Variants in GLTP observed in about 807,000 individuals in gnomAD.
GLTP encodes the protein glycolipid transfer protein.
GLTP carries 22 observed loss-of-function variants against 24.0 expected under a neutral mutation model. That is an observed-to-expected ratio of 0.92 (90% CI 0.65 to 1.31). The LOEUF is 1.31. Among genes scored for constraint, GLTP ranks in the 50% most tolerant of loss-of-function variants. The pLI, the probability that GLTP is intolerant of heterozygous loss-of-function variation, is 0.00. For synonymous variants in GLTP, 92 were observed against 115.9 expected (o/e 0.79, Z 1.33); for missense variants, 224 against 276.6 (o/e 0.81, Z 1.35).
At chr12:109,856,523 C>CA (rs879392931) in intron 3 of GLTP, among the ~76,000 whole-genome samples, 1 of 152,156 alleles carries the variant, frequency 6.6e-6, no homozygotes, top group Non-Finnish European at 1.5e-5. Context: ...AGTCACAGGC[C>CA]AGGATGTGAA....
At chr12:109,876,656 GGAAA>G (rs892774040) in intron 1 of GLTP, among the ~76,000 whole-genome samples, 3 of 143,794 alleles carry the variant, frequency 2.1e-5, no homozygotes, top group East Asian at 2.0e-4. Context: ...AGGAAAGGAA[GGAAA>G]GAAAGAGGAA....
chr12:109,867,075 G>A (rs1455503683), intron 1 of GLTP, among the ~76,000 whole-genome samples: 7 of 151,742 alleles, frequency 4.6e-5, no homozygotes, highest in Non-Finnish European at 1.0e-4. Flanking sequence ...ACTGTACCTG[G>A]CCAACTTTGT....
At chr12:109,868,873 G>T (rs1359855300) in intron 1 of GLTP, among the ~76,000 whole-genome samples, 1 of 152,094 alleles carries the variant, frequency 6.6e-6, no homozygotes, top group Non-Finnish European at 1.5e-5. Context: ...TCATGGCTCT[G>T]CTTACTATAA....
intron 4 of GLTP, among the ~76,000 whole-genome samples, chr12:109,853,321 C>T (rs1397477873): frequency 6.6e-6 from 1 of 152,054 alleles, no homozygotes; most frequent in Non-Finnish European, 1.5e-5. Context: ...CAGAGCTGCT[C>T]CCATACTTGA....
At chr12:109,869,557 G>A (rs1565899960) in intron 1 of GLTP, among the ~76,000 whole-genome samples, 1 of 139,056 alleles carries the variant, frequency 7.2e-6, no homozygotes, top group Non-Finnish European at 1.5e-5. Context: ...CCAGGTTCAA[G>A]CGATTCCCCA....
intron 1 of GLTP, among the ~76,000 whole-genome samples, chr12:109,865,147 AG>A (rs1408837339): frequency 2.6e-5 from 4 of 152,202 alleles, no homozygotes; most frequent in Admixed American, 6.5e-5. Context: ...CCAGTTTTGC[AG>A]TTACTCCAAA....
chr12:109,856,491 T>C (rs1483377519), intron 3 of GLTP, among the ~76,000 whole-genome samples: 2 of 152,134 alleles, frequency 1.3e-5, no homozygotes, highest in Non-Finnish European at 2.9e-5. Flanking sequence ...AGGAAAGCAC[T>C]GAGGCTCCCC....
chr12:109,857,456 G>A lies in GLTP; in HGVS notation c.296+70C>T, dbSNP rs571864283. 167 of 1,539,338 alleles carry A rather than the reference G, an allele frequency of 1.1e-4. No individual in the cohort carries two copies. The highest frequency in any genetic ancestry group is 4.5e-4 in the South Asian group (39 of 87,398). ...CCTTCCCAGCCTGAGCTGACACTGC[G>A]GAACAGTGACAGGTTTGCTTTCCCT... On this transcript the variant is annotated intron_variant, in intron 3 of 4. Transcript: ENST00000318348. The surrounding 1 kb of genome is among the most constrained non-coding windows in gnomAD (Gnocchi z 4.3).
chr12:109,875,660 CA>C (rs1205859124), intron 1 of GLTP, among the ~76,000 whole-genome samples: 2 of 152,314 alleles, frequency 1.3e-5, no homozygotes, highest in South Asian at 4.1e-4. Flanking sequence ...AGAAGATAAA[CA>C]AAGGGCTGGC....
Position 109,855,876 on chromosome 12 carries a change from G to T in GLTP, c.297-107C>A. On this transcript the variant is annotated intron_variant, in intron 3 of 4. Transcript: ENST00000318348. This position sits in a 1 kb window ranked among gnomAD's most constrained non-coding sequence, Gnocchi z 4.1. ...CCTACTGTGAGCCAGGAACATGGGC[G>T]CCCCAGAGGGAGTGGTTATTCCCTA... The T allele has an allele frequency of 1.2e-6, 1 of 800,356 alleles. No homozygotes were observed. The highest frequency in any genetic ancestry group is 1.9e-6 in the Non-Finnish European group (1 of 525,216). The allele number at this position is 800,356 out of a possible 1,614,324, so 49.6% of individuals were successfully genotyped here.
chr12:109,866,485 A>AC (rs140441326), intron 1 of GLTP: 8,322 of 152,396 alleles, frequency 0.055, 338 homozygotes, highest in East Asian at 0.11. Context: ...ACCTGGGACT[A>AC]CAGGTGTGCA....
At chr12:109,853,149 C>T (rs1487035708) in intron 4 of GLTP, among the ~76,000 whole-genome samples, 2 of 152,208 alleles carry the variant, frequency 1.3e-5, no homozygotes, top group Non-Finnish European at 2.9e-5. Flanking sequence ...ACCAGGCACA[C>T]AGTAGGTGTT....
At chr12:109,854,469 A>C (rs1892770427) in intron 4 of GLTP, among the ~76,000 whole-genome samples, 2 of 152,180 alleles carry the variant, frequency 1.3e-5, no homozygotes, top group African/African-American at 4.8e-5. Context: ...TAATTGTCAC[A>C]ATGACTCTTT....
chr12:109,854,365 C>CAAAA (rs34720686), intron 4 of GLTP, among the ~76,000 whole-genome samples: 14 of 97,560 alleles, frequency 1.4e-4, no homozygotes, highest in East Asian at 1.1e-3. Context: ...GACCCTGTCT[C>CAAAA]AAAAAAAAAA....
intron 1 of GLTP, among the ~76,000 whole-genome samples, chr12:109,871,751 A>G (rs1205848281): frequency 6.6e-6 from 1 of 152,268 alleles, no homozygotes; most frequent in Non-Finnish European, 1.5e-5. Context: ...GATGCTAGTT[A>G]TGATCACGGT....
At chr12:109,871,652 C>A (rs2136048836) in intron 1 of GLTP, among the ~76,000 whole-genome samples, 1 of 152,292 alleles carries the variant, frequency 6.6e-6, no homozygotes, top group Middle Eastern at 3.4e-3. Context: ...GAAAATGGTG[C>A]CAAATTCCTC....
rs1299681651 is a variant in GLTP at position 109,855,080 on chromosome 12, G to A, written c.447+539C>T. ...CGGAGGGCCTTCGCAAGTCTCCTGA[G>A]CAGGGCTGTCCGCCTGGTGATCAAC... On this transcript the variant is annotated intron_variant, in intron 4 of 4. Transcript: ENST00000318348. This position sits in a 1 kb window ranked among gnomAD's most constrained non-coding sequence, Gnocchi z 4.1. Among the ~76,000 whole-genome samples the A allele has an allele frequency of 1.3e-5, 2 of 152,228 alleles. No individual in the cohort carries two copies. The highest frequency in any genetic ancestry group is 1.9e-4 in the East Asian group (1 of 5,192).
At chr12:109,875,459 C>A (rs530060616) in intron 1 of GLTP, among the ~76,000 whole-genome samples, 8 of 152,264 alleles carry the variant, frequency 5.3e-5, no homozygotes, top group East Asian at 3.9e-4. Flanking sequence ...GAAAGGGAAC[C>A]ACAGAGGCTT....
chr12:109,869,172 C>T (rs1227989534), intron 1 of GLTP, among the ~76,000 whole-genome samples: 2 of 151,478 alleles, frequency 1.3e-5, no homozygotes, highest in African/African-American at 2.4e-5. Context: ...TGGTGGTGCA[C>T]GTCTGTAATC....
Sources: gnomAD v4.1 joint callset for allele counts (sites outside exome capture counted in the v4.1 genomes callset) on GRCh38, gnomAD v4.1.1 for gene constraint, Gnocchi (gnomAD v3.1) non-coding constraint, MANE v1.5 for transcripts, NCBI Gene and HGNC (gene_info 2026-07-23, HGNC 2026-07-21) for gene names.